Variants in LRIG2 observed in about 807,000 individuals in gnomAD.
The protein encoded by LRIG2 is leucine rich repeats and immunoglobulin like domains 2, also known as leucine-rich repeats and immunoglobulin-like domains protein 2.
In LRIG2, 93 loss-of-function variants were observed where a neutral mutation model predicts 107.8. The ratio of observed to expected loss-of-function variants is 0.86; its 90% CI spans 0.73 to 1.03. The LOEUF is 1.03. LRIG2 is among the 50% of genes least tolerant of loss of function. The pLI, the probability that LRIG2 is intolerant of heterozygous loss-of-function variation, is 0.00. For missense variants in LRIG2, 1,226 were observed against 1,296.0 expected (o/e 0.95, Z 0.83); for synonymous variants, 471 against 470.6 (o/e 1.00, Z -0.01).
rs1654174832 is a variant in LRIG2, at chr1:113,098,720, T to G, written c.1107T>G (p.Asn369Lys). Residue 369 changes from asparagine (N) to lysine (K), a missense_variant, in exon 9 of 18, where the codon AAT (asparagine) becomes AAG (lysine). Transcript: ENST00000361127. ...ATTTTTGTAGAGACTTAAGAAACAA[T>G]GAAATTTCATGGGCCATAGAAGATG... is the stretch of plus-strand genomic sequence containing the variant. ...SNLQTLDLRN[N>K]EISWAIEDAS... 1 of 1,611,826 alleles carries G rather than the reference T, an allele frequency of 6.2e-7. No individual in the cohort carries two copies. The highest frequency in any genetic ancestry group is 8.5e-7 in the Non-Finnish European group (1 of 1,178,168).
At chr1:113,101,228 C>G (rs1256962686) in intron 11 of LRIG2, among the ~76,000 whole-genome samples, 1 of 152,144 alleles carries the variant, frequency 6.6e-6, no homozygotes, top group East Asian at 1.9e-4. Context: ...GCCACCACAC[C>G]CGGCTAATGT....
At chr1:113,089,994 C>CT (rs531111261) in intron 1 of LRIG2, among the ~76,000 whole-genome samples, 4,091 of 143,574 alleles carry the variant, frequency 0.028, 176 homozygotes, top group African/African-American at 0.095. Flanking sequence ...TATGCCTGGC[C>CT]TTTTTTTTTT....
Position 113,110,433 on chromosome 1 carries a change from G to C in LRIG2, c.1669G>C (p.Glu557Gln). The change falls in exon 13 of 18, where the codon GAA becomes CAA. Residue 557 changes from glutamate (E) to glutamine (Q), a missense_variant. This residue lies in a region of LRIG2 where 642 missense variants were observed against 712.2 expected (regional missense o/e 0.90). Coordinates refer to ENST00000361127, the MANE Select transcript of LRIG2 (RefSeq NM_014813.3). ...NFVRYWQQAG[E>Q]ALEYTSILHL... ...TGTTCGTTATTGGCAGCAAGCTGGA[G>C]AAGCTCTGGAATATACTAGTATCTT... 6.2e-7 allele frequency: 1 copy of C among 1,614,166 alleles called. No homozygotes were observed.
At chr1:113,120,721 G>T (rs905529010) in intron 17 of LRIG2, among the ~76,000 whole-genome samples, 2 of 151,628 alleles carry the variant, frequency 1.3e-5, no homozygotes, top group Admixed American at 6.6e-5. Flanking sequence ...TGTTGGTCAG[G>T]CTGGTCTCAA....
Position 113,091,788 on chromosome 1 carries a change from TATC to T in LRIG2, c.305+408_305+410del, listed in dbSNP as rs1157720588. Among the ~76,000 whole-genome samples the T allele has an allele frequency of 2.0e-5, 3 of 152,362 alleles. No homozygotes were observed. In the East Asian group the frequency reaches 5.8e-4, roughly 29 times the overall value. On this transcript the variant is annotated intron_variant, in intron 2 of 17. Coordinates refer to ENST00000361127, the MANE Select transcript of LRIG2 (RefSeq NM_014813.3). ...TTTATATGAAATAGAGTATTCTTGATATCATATGAGAATGTAATGATTGATAGA... is the reference window on the plus strand; with the variant it reads ...TTTATATGAAATAGAGTATTCTTGATATATGAGAATGTAATGATTGATAGA...
intron 11 of LRIG2, among the ~76,000 whole-genome samples, chr1:113,107,111 T>C (rs1038148428): frequency 2.6e-5 from 4 of 152,204 alleles, no homozygotes; most frequent in Non-Finnish European, 5.9e-5. Context: ...GTTTTTTTGC[T>C]GACCATTTAA....
chr1:113,092,256 G>GTGTTCTAGA lies in LRIG2; in HGVS notation c.305+875_305+883dup, dbSNP rs373698563. The stretch of plus-strand genomic sequence containing the variant: ...GGTCTTTACTTCTGGTTTCTTTTCT[G>GTGTTCTAGA]TGTTCTAGATTGTTGAGGTTGTTCA... On this transcript the variant is annotated intron_variant, in intron 2 of 17. Transcript: ENST00000361127. Among the ~76,000 whole-genome samples, 396 of 152,296 alleles carry GTGTTCTAGA rather than the reference G, an allele frequency of 2.6e-3. 2 individuals carry two copies. Among genetic ancestry groups the GTGTTCTAGA allele is most frequent in the African/African-American group, 9.0e-3 (374 of 41,562 alleles).
chr1:113,089,585 G>GCC, intron 1 of LRIG2, among the ~76,000 whole-genome samples: 1 of 151,184 alleles, frequency 6.6e-6, no homozygotes, highest in East Asian at 1.9e-4. Context: ...AAGAATGCCT[G>GCC]TCTGCCTTTA....
intron 1 of LRIG2, among the ~76,000 whole-genome samples, chr1:113,078,744 G>A (rs1214626525): frequency 3.3e-5 from 5 of 150,772 alleles, no homozygotes; most frequent in East Asian, 3.9e-4. Context: ...AGGTTCAAAC[G>A]CTTCTCCTGC....
intron 1 of LRIG2, among the ~76,000 whole-genome samples, chr1:113,089,885 G>A (rs1653725309): frequency 1.3e-5 from 2 of 151,288 alleles, no homozygotes; most frequent in Admixed American, 6.6e-5. Context: ...TAGTAGAGAT[G>A]GATTTCACTA....
At chr1:113,075,995 C>T (rs954838063) in intron 1 of LRIG2, among the ~76,000 whole-genome samples, 1 of 150,648 alleles carries the variant, frequency 6.6e-6, no homozygotes, top group Admixed American at 6.6e-5. Context: ...CCAAGCCCGG[C>T]CTGGCCTACT....
intron 17 of LRIG2, among the ~76,000 whole-genome samples, chr1:113,121,374 G>GTGTCTTCC (rs1438238616): frequency 6.6e-6 from 1 of 152,158 alleles, no homozygotes; most frequent in Non-Finnish European, 1.5e-5. Context: ...CTGAGCATGT[G>GTGTCTTCC]TGTCTTCCTG....
intron 17 of LRIG2, among the ~76,000 whole-genome samples, chr1:113,121,942 G>A (rs1655274541): frequency 6.6e-6 from 1 of 151,866 alleles, no homozygotes; most frequent in Non-Finnish European, 1.5e-5. Context: ...TGGTAGTGAG[G>A]GCACATGAAA....
chr1:113,128,033 C>T lies in LRIG2; in HGVS notation c.*3932C>T, dbSNP rs2101079907. The T allele has an allele frequency of 6.6e-6, 1 of 152,262 alleles. No individual in the cohort carries two copies. The highest frequency in any genetic ancestry group is 2.1e-4 in the South Asian group (1 of 4,814). 9.4% of individuals were successfully genotyped at this position (152,262 alleles called of 1,614,324 possible). ...GTTCTCTCTTCTAAATCCAATATTA[C>T]TCACTAGATAATTTCAGCCACTTAA... On this transcript the variant is annotated 3_prime_UTR_variant, in exon 18 of 18. Coordinates refer to ENST00000361127, the MANE Select transcript of LRIG2 (RefSeq NM_014813.3).
chr1:113,077,385 G>A (rs1448073765), intron 1 of LRIG2, among the ~76,000 whole-genome samples: 8 of 152,004 alleles, frequency 5.3e-5, no homozygotes, highest in African/African-American at 1.2e-4. Context: ...CAGGTGATCC[G>A]CCCACCTTGG....
intron 2 of LRIG2, among the ~76,000 whole-genome samples, chr1:113,092,218 T>A (rs775052461): frequency 2.0e-5 from 3 of 152,224 alleles, no homozygotes; most frequent in Non-Finnish European, 4.4e-5. Flanking sequence ...GTAACTTTGG[T>A]TGGTTTCCTG....
Position 113,123,987 on chromosome 1 carries a change from G to A in LRIG2, c.3084G>A (p.Leu1028=). ...ESPQLHQNEG[L]AGREPDCSAS... is the part of the protein sequence containing the mutation. ...CACAACTTCATCAAAATGAGGGCCT[G>A]GCAGGGAGAGAGCCAGACTGTTCTG... The change falls in exon 18 of 18, where the codon CTG becomes CTA. Residue 1028 remains leucine (L), a synonymous_variant. Transcript: ENST00000361127. 6.2e-7 allele frequency: 1 copy of A among 1,614,074 alleles called. No homozygotes were observed. Among genetic ancestry groups the A allele is most frequent in the Non-Finnish European group, 8.5e-7 (1 of 1,180,014 alleles).
rs1655692641 is a variant in LRIG2 at position 113,131,200 on chromosome 1, G to A, written c.*7099G>A. ...TCAACCCACCTTGGCCTCCCAAAGT[G>A]CTGGGATTACAGGCATGAGCCACTG... On this transcript the variant is annotated 3_prime_UTR_variant, in exon 18 of 18. Coordinates refer to ENST00000361127, the MANE Select transcript of LRIG2 (RefSeq NM_014813.3). The A allele has an allele frequency of 6.6e-6, 1 of 152,308 alleles. No homozygotes were observed. Among genetic ancestry groups the A allele is most frequent in the Admixed American group, 6.5e-5 (1 of 15,268 alleles). 9.4% of individuals were successfully genotyped at this position (152,308 alleles called of 1,614,324 possible).
intron 6 of LRIG2, among the ~76,000 whole-genome samples, chr1:113,095,276 G>A (rs1188945330): frequency 6.9e-6 from 1 of 144,658 alleles, no homozygotes; most frequent in African/African-American, 2.6e-5. Flanking sequence ...CGGCCAAAAA[G>A]TTTATATTCT....
Sources: allele counts gnomAD v4.1 joint callset (sites outside exome capture counted in the v4.1 genomes callset), GRCh38; gene constraint gnomAD v4.1.1; regional missense constraint gnomAD v4.1.1; transcripts MANE v1.5; gene names NCBI Gene and HGNC (gene_info 2026-07-23, HGNC 2026-07-21).